Variants in ZFAT observed in about 807,000 individuals in gnomAD.
ZFAT encodes the protein zinc finger and AT-hook domain containing, also known as zinc finger protein ZFAT.
In ZFAT, 64 loss-of-function variants were observed where a neutral mutation model predicts 117.7. That is an observed-to-expected ratio of 0.54 (90% confidence interval 0.44 to 0.67). ZFAT has a LOEUF of 0.67. Among genes scored for constraint, ZFAT ranks in the 30% least tolerant of loss-of-function variants. The pLI is 0.00. For missense variants in ZFAT, 1,433 were observed against 1,584.5 expected (o/e 0.90, Z 1.62); for synonymous variants, 679 against 615.0 (o/e 1.10, Z -1.54).
intron 1 of ZFAT, among the ~76,000 whole-genome samples, chr8:134,709,385 G>A (rs1813903063): frequency 6.6e-6 from 1 of 152,204 alleles, no homozygotes; most frequent in African/African-American, 2.4e-5. Flanking sequence ...AAGGGACTGG[G>A]GTCCCAAGGG....
chr8:134,547,029 A>G (rs1382226251), intron 11 of ZFAT, among the ~76,000 whole-genome samples: 1 of 152,152 alleles, frequency 6.6e-6, no homozygotes, highest in Non-Finnish European at 1.5e-5. Flanking sequence ...ACAGATAATG[A>G]GAGCTGTCAC....
chr8:134,680,323 A>C (rs1833016482), intron 1 of ZFAT, among the ~76,000 whole-genome samples: 1 of 152,058 alleles, frequency 6.6e-6, no homozygotes, highest in South Asian at 2.1e-4. Context: ...AATGTAAAGA[A>C]AGCACTGGAT....
chr8:134,655,709 GAA>G (rs1355123426), intron 2 of ZFAT, among the ~76,000 whole-genome samples: 2 of 152,148 alleles, frequency 1.3e-5, no homozygotes, highest in Non-Finnish European at 2.9e-5. Flanking sequence ...CATTTAGAAA[GAA>G]GAGAATCTTA....
chr8:134,647,305 T>C lies in ZFAT; in HGVS notation c.197-9593A>G, dbSNP rs563119832. On this transcript the variant is annotated intron_variant, in intron 2 of 15. Transcript: ENST00000377838. ...CATCTCAATAAGTATGGGGAAAAGT[T>C]TGACAAAATTCAACAACCCTTCATG... Among the ~76,000 whole-genome samples the C allele has an allele frequency of 2.4e-3, 362 of 152,236 alleles. 1 individual carries two copies. The highest frequency in any genetic ancestry group is 8.3e-3 in the African/African-American group (344 of 41,556).
chr8:134,583,474 C>A (rs1226092778), intron 10 of ZFAT, among the ~76,000 whole-genome samples: 2 of 152,064 alleles, frequency 1.3e-5, no homozygotes, highest in African/African-American at 2.4e-5. Flanking sequence ...TCAAGGTTGC[C>A]CCTCAAGATC....
At chr8:134,738,097 C>T in the ZFAT span, among the ~76,000 whole-genome samples, 1 of 152,130 alleles carries the variant, frequency 6.6e-6, no homozygotes, top group African/African-American at 2.4e-5. Context: ...TAGTCTAGTG[C>T]TGCTTTTAGC....
Position 134,538,165 on chromosome 8 carries a change from G to A in ZFAT, c.2977-5193C>T, listed in dbSNP as rs571015941. 3.9e-5 allele frequency among the ~76,000 whole-genome samples: 6 copies of A among 152,326 alleles called. No individual in the cohort carries two copies. In the South Asian group the frequency reaches 1.0e-3, roughly 26 times the overall value. ...ATCAGCTCCCTGGAACACAGGAGCA[G>A]GCAGGCAAAAGGAGGTGGACTTGGA... On this transcript the variant is annotated intron_variant, in intron 11 of 15. Coordinates refer to ENST00000377838, the MANE Select transcript of ZFAT (RefSeq NM_020863.4).
At chr8:134,498,047 T>C (rs1394347113) in intron 15 of ZFAT, among the ~76,000 whole-genome samples, 17 of 76,220 alleles carry the variant, frequency 2.2e-4, no homozygotes, top group Non-Finnish European at 2.3e-4. Context: ...GTGATGCCCC[T>C]GCTGCTGGTT....
chr8:134,732,265 C>T, the ZFAT span, among the ~76,000 whole-genome samples: 4 of 152,182 alleles, frequency 2.6e-5, no homozygotes, highest in East Asian at 3.8e-4. Flanking sequence ...GACATAGGCC[C>T]GCTCTGCAGG....
intron 11 of ZFAT, among the ~76,000 whole-genome samples, chr8:134,550,325 A>AAAAAAAAAAAAAAAAACAAC (rs1554643709): frequency 6.6e-6 from 1 of 150,534 alleles, no homozygotes; most frequent in African/African-American, 2.5e-5. Flanking sequence ...AAAAAAAAAA[A>AAAAAAAAAAAAAAAAACAAC]AAAAAAACAG....
intron 11 of ZFAT, among the ~76,000 whole-genome samples, chr8:134,563,822 T>G (rs1246501616): frequency 6.6e-6 from 1 of 152,156 alleles, no homozygotes; most frequent in Non-Finnish European, 1.5e-5. Context: ...CCCAGTGCTT[T>G]CTTTCTGTGT....
chr8:134,597,720 C>A (rs1284299628), intron 7 of ZFAT: 1 of 152,132 alleles, frequency 6.6e-6, no homozygotes, highest in Non-Finnish European at 1.5e-5. Flanking sequence ...CTCCAGCCAG[C>A]GCTGGCTGGC....
At chr8:134,566,203 G>A (rs934785730) in intron 10 of ZFAT, among the ~76,000 whole-genome samples, 4 of 152,022 alleles carry the variant, frequency 2.6e-5, no homozygotes, top group Admixed American at 6.5e-5. Flanking sequence ...GACCATCCAG[G>A]CCAACACAGT....
intron 1 of ZFAT, among the ~76,000 whole-genome samples, chr8:134,669,691 C>A (rs1030468762): frequency 6.6e-6 from 1 of 152,166 alleles, no homozygotes; most frequent in African/African-American, 2.4e-5. Flanking sequence ...GAAACTGCAT[C>A]AACTAACGAG....
intron 10 of ZFAT, among the ~76,000 whole-genome samples, chr8:134,568,149 A>T (rs556987334): frequency 1.5e-4 from 23 of 152,242 alleles, no homozygotes; most frequent in Non-Finnish European, 3.1e-4. Context: ...CAGCCTCAAT[A>T]ACAGCAGCAA....
chr8:134,696,819 G>A (rs1363350430), intron 1 of ZFAT, among the ~76,000 whole-genome samples: 1 of 152,246 alleles, frequency 6.6e-6, no homozygotes, highest in African/African-American at 2.4e-5. Flanking sequence ...GGAGGCTGCA[G>A]GCGAGAAGCG....
intron 2 of ZFAT, among the ~76,000 whole-genome samples, chr8:134,656,779 A>G (rs1223230990): frequency 2.6e-5 from 4 of 152,094 alleles, no homozygotes; most frequent in African/African-American, 9.7e-5. Context: ...GCTGTCCTTT[A>G]TCTTAGTGTT....
At chr8:134,753,750 T>G in the ZFAT span, among the ~76,000 whole-genome samples, 1 of 152,208 alleles carries the variant, frequency 6.6e-6, no homozygotes, top group Non-Finnish European at 1.5e-5. Context: ...TATTAAATTA[T>G]AGCTATATAA....
chr8:134,496,965 T>A (rs1197993666), intron 15 of ZFAT, among the ~76,000 whole-genome samples: 1 of 152,214 alleles, frequency 6.6e-6, no homozygotes, highest in Non-Finnish European at 1.5e-5. Context: ...CGGGCAGGGG[T>A]TATCCTGACA....
Sources: allele counts gnomAD v4.1 joint callset (sites outside exome capture counted in the v4.1 genomes callset), GRCh38; gene constraint gnomAD v4.1.1; transcripts MANE v1.5; gene names NCBI Gene and HGNC (gene_info 2026-07-23, HGNC 2026-07-21).